TMTC1: variants seen among roughly 807,000 people sequenced by gnomAD.
TMTC1 encodes transmembrane O-mannosyltransferase targeting cadherins 1.
In TMTC1, 73 loss-of-function variants were observed where a neutral mutation model predicts 104.8. The observed-to-expected ratio is 0.70, with a 90% CI of 0.58 to 0.85. TMTC1 has a LOEUF of 0.85. TMTC1 is among the 40% of genes least tolerant of loss of function. The pLI, the probability that TMTC1 is intolerant of heterozygous loss-of-function variation, is 0.00. For missense variants in TMTC1, 1,035 were observed against 1,096.1 expected, an observed-to-expected ratio of 0.94 and a Z score of 0.79; for synonymous variants, 434 against 428.7, an observed-to-expected ratio of 1.01 and a Z score of -0.15.
Position 29,561,457 on chromosome 12 carries a change from T to C in TMTC1, c.1533-4457A>G, listed in dbSNP as rs559853533. 3.3e-5 allele frequency among the ~76,000 whole-genome samples: 5 copies of C among 152,308 alleles called. No individual in the cohort carries two copies. In the South Asian group the frequency reaches 1.0e-3, roughly 32 times the overall value. ...TACTCAGAATCTTCACTGCAAAAAT[T>C]TGTCTTCTGTCATACAAAATAATCA... On this transcript the variant is annotated intron_variant, in intron 9 of 17. Transcript: ENST00000539277.
chr12:29,538,657 A>T (rs1347487224), intron 10 of TMTC1, among the ~76,000 whole-genome samples: 1 of 152,210 alleles, frequency 6.6e-6, no homozygotes, highest in Non-Finnish European at 1.5e-5. Flanking sequence ...ACCATTCAGT[A>T]CAGTCTATGA....
chr12:29,561,840 C>T (rs914147670), intron 9 of TMTC1, among the ~76,000 whole-genome samples: 2 of 152,106 alleles, frequency 1.3e-5, no homozygotes, highest in African/African-American at 2.4e-5. Context: ...TATATTTGTC[C>T]GATTTTCATA....
chr12:29,520,546 T>C (rs1944120242), intron 12 of TMTC1, 72 bp downstream of exon 12: 1 of 1,310,348 alleles, frequency 7.6e-7, no homozygotes, highest in Admixed American at 1.9e-5. Flanking sequence ...TGAGGATTAT[T>C]TGCCTTCCAT....
At chr12:29,552,138 CA>C (rs1945122833) in intron 10 of TMTC1, among the ~76,000 whole-genome samples, 1 of 152,026 alleles carries the variant, frequency 6.6e-6, no homozygotes, top group South Asian at 2.1e-4. Flanking sequence ...CTTTCGAAGT[CA>C]AGGTTATTAA....
intron 5 of TMTC1, among the ~76,000 whole-genome samples, chr12:29,705,394 A>G (rs182764271): frequency 6.6e-6 from 1 of 152,348 alleles, no homozygotes; most frequent in East Asian, 1.9e-4. Flanking sequence ...CTGAAAACAG[A>G]ATACAAATCA....
intron 8 of TMTC1, among the ~76,000 whole-genome samples, chr12:29,576,975 CTATT>C (rs1592259985): frequency 6.6e-6 from 1 of 151,922 alleles, no homozygotes; most frequent in African/African-American, 2.4e-5. Flanking sequence ...TTCTTTTTCT[CTATT>C]TTATTTTCTG....
chr12:29,570,604 G>A (rs1945640950), intron 9 of TMTC1, among the ~76,000 whole-genome samples: 1 of 152,164 alleles, frequency 6.6e-6, no homozygotes, highest in Non-Finnish European at 1.5e-5. Context: ...AGCACTTTGG[G>A]AGGCTGAGGT....
chr12:29,614,741 T>A (rs1463691253), intron 6 of TMTC1, among the ~76,000 whole-genome samples: 1 of 152,210 alleles, frequency 6.6e-6, no homozygotes, highest in Non-Finnish European at 1.5e-5. Flanking sequence ...GACATACAGA[T>A]AAAAGTAAGA....
chr12:29,674,799 A>C (rs1257963064), intron 5 of TMTC1, among the ~76,000 whole-genome samples: 2 of 152,190 alleles, frequency 1.3e-5, no homozygotes, highest in Admixed American at 6.5e-5. Context: ...CACACCTCAA[A>C]CATCACGCAC....
At chr12:29,537,634 T>A (rs1278211247) in intron 10 of TMTC1, among the ~76,000 whole-genome samples, 1 of 152,166 alleles carries the variant, frequency 6.6e-6, no homozygotes, top group East Asian at 1.9e-4. Context: ...CTACTGAATC[T>A]GATCCTTCAG....
chr12:29,582,137 A>C (rs1945999015), intron 8 of TMTC1, among the ~76,000 whole-genome samples: 1 of 152,234 alleles, frequency 6.6e-6, no homozygotes, highest in Non-Finnish European at 1.5e-5. Context: ...TTTTTGTTTT[A>C]TATTTTAAAA....
At chr12:29,635,946 C>T (rs1009898619) in intron 5 of TMTC1, among the ~76,000 whole-genome samples, 26 of 152,190 alleles carry the variant, frequency 1.7e-4, no homozygotes, top group African/African-American at 6.3e-4. Flanking sequence ...TTCAAAGAAA[C>T]CACTATTAAA....
intron 5 of TMTC1, among the ~76,000 whole-genome samples, chr12:29,644,442 A>G (rs1456939461): frequency 6.6e-6 from 1 of 151,954 alleles, no homozygotes; most frequent in Non-Finnish European, 1.5e-5. Context: ...GTGCACCAAA[A>G]TCTCACAAAT....
intron 1 of TMTC1, among the ~76,000 whole-genome samples, chr12:29,770,189 C>A (rs1455266857): frequency 2.0e-5 from 3 of 151,962 alleles, no homozygotes; most frequent in Admixed American, 6.6e-5. Flanking sequence ...TATTATTCAA[C>A]CATTCAAAAA....
intron 5 of TMTC1, among the ~76,000 whole-genome samples, chr12:29,635,847 T>C (rs1290363778): frequency 1.3e-5 from 2 of 152,118 alleles, no homozygotes; most frequent in African/African-American, 2.4e-5. Context: ...GTTGTAATTA[T>C]GGGAAGAGAA....
At chr12:29,559,131 G>A (rs1411608214) in intron 9 of TMTC1, among the ~76,000 whole-genome samples, 2 of 152,184 alleles carry the variant, frequency 1.3e-5, no homozygotes, top group Admixed American at 1.3e-4. Flanking sequence ...TCTGGGACAT[G>A]TGTCTTCCTT....
chr12:29,528,297 T>G (rs997301859), intron 11 of TMTC1, among the ~76,000 whole-genome samples: 5 of 152,142 alleles, frequency 3.3e-5, no homozygotes, highest in African/African-American at 1.2e-4. Context: ...TAGGACAACT[T>G]TAATTAAAAA....
intron 8 of TMTC1, among the ~76,000 whole-genome samples, chr12:29,577,956 T>G (rs1275730753): frequency 6.6e-6 from 1 of 152,100 alleles, no homozygotes; most frequent in Non-Finnish European, 1.5e-5. Context: ...TTCTGACTTT[T>G]TCTATCTAGA....
chr12:29,514,030 G>A (rs1198042320), intron 16 of TMTC1, among the ~76,000 whole-genome samples: 2 of 152,102 alleles, frequency 1.3e-5, no homozygotes, highest in Non-Finnish European at 2.9e-5. Flanking sequence ...GAATAAGGAC[G>A]GTTAGGGAGG....
Sources: allele counts gnomAD v4.1 joint callset (sites outside exome capture counted in the v4.1 genomes callset), GRCh38; gene constraint gnomAD v4.1.1; transcripts MANE v1.5; gene names NCBI Gene and HGNC (gene_info 2026-07-23, HGNC 2026-07-21).